The following RPS6KA5 variants were observed in gnomAD, a reference collection of about 807,000 sequenced individuals.
The protein encoded by RPS6KA5 is ribosomal protein S6 kinase A5, also known as ribosomal protein S6 kinase alpha-5.
Under a neutral mutation model 85.5 loss-of-function variants are expected in RPS6KA5, and 27 were observed. The observed-to-expected ratio is 0.32, with a 90% CI of 0.23 to 0.44. The LOEUF (loss-of-function observed/expected upper bound fraction) is 0.44, where lower values mean the gene tolerates loss of function less well. RPS6KA5 is among the 20% of genes least tolerant of loss of function. The pLI is 1.00. For synonymous variants in RPS6KA5, 334 were observed against 348.2 expected, an observed-to-expected ratio of 0.96 and a Z score of 0.46; for missense variants, 811 against 980.9, an observed-to-expected ratio of 0.83 and a Z score of 2.31.
chr14:91,057,203 T>G (rs1487276028), intron 1 of RPS6KA5, among the ~76,000 whole-genome samples: 1 of 152,056 alleles, frequency 6.6e-6, no homozygotes, highest in Non-Finnish European at 1.5e-5. Context: ...GGGCGGGACA[T>G]TTTCTTAGAC....
chr14:90,884,944 T>C (rs985317721), intron 14 of RPS6KA5, among the ~76,000 whole-genome samples: 1 of 152,132 alleles, frequency 6.6e-6, no homozygotes, highest in Non-Finnish European at 1.5e-5. Flanking sequence ...TTAACAGGTA[T>C]GTTTGTGGCT....
At chr14:91,043,513 G>A (rs931250840) in intron 1 of RPS6KA5, among the ~76,000 whole-genome samples, 1 of 152,086 alleles carries the variant, frequency 6.6e-6, no homozygotes, top group African/African-American at 2.4e-5. Flanking sequence ...TGAACAAGCC[G>A]GTGAGCACAC....
chr14:90,881,659 C>A (rs1054981028), intron 14 of RPS6KA5, among the ~76,000 whole-genome samples: 1 of 151,996 alleles, frequency 6.6e-6, no homozygotes, highest in Non-Finnish European at 1.5e-5. Context: ...CACCACCACG[C>A]CTGGATAACT....
chr14:91,005,832 A>G (rs1332620309), intron 1 of RPS6KA5, among the ~76,000 whole-genome samples: 1 of 152,178 alleles, frequency 6.6e-6, no homozygotes. Flanking sequence ...CATTTATTTC[A>G]CCCTACAGGT....
chr14:90,915,037 T>C (rs902699849), intron 7 of RPS6KA5, among the ~76,000 whole-genome samples: 2 of 152,084 alleles, frequency 1.3e-5, no homozygotes, highest in South Asian at 2.1e-4. Flanking sequence ...CTTTATAAAA[T>C]ATGCCAAGAA....
intron 2 of RPS6KA5, among the ~76,000 whole-genome samples, chr14:90,984,937 C>T (rs1389322704): frequency 6.6e-6 from 1 of 151,614 alleles, no homozygotes; most frequent in African/African-American, 2.4e-5. Context: ...CATAAGTAGC[C>T]TTTAATCTTT....
rs917192027 is a variant in RPS6KA5, at chr14:90,850,743, G to C, written c.*21331C>G. On this transcript the variant is annotated 3_prime_UTR_variant, in exon 17 of 17. Coordinates refer to ENST00000614987, the MANE Select transcript of RPS6KA5 (RefSeq NM_004755.4). Reference sequence around the variant, plus strand: ...GAAATTGCACTGGGTGAGCTCTAAGGCTCCTAAACTCTAAGATTCTCGTAT... The same window carrying C: ...GAAATTGCACTGGGTGAGCTCTAAGCCTCCTAAACTCTAAGATTCTCGTAT... 3 of 152,214 alleles carry C rather than the reference G, an allele frequency of 2.0e-5. No individual in the cohort carries two copies. The highest frequency in any genetic ancestry group is 4.4e-5 in the Non-Finnish European group (3 of 68,034). 9.4% of individuals were successfully genotyped at this position (152,214 alleles called of 1,614,324 possible).
At chr14:90,910,092 T>A (rs1595187897) in intron 7 of RPS6KA5, among the ~76,000 whole-genome samples, 2 of 151,104 alleles carry the variant, frequency 1.3e-5, no homozygotes, top group South Asian at 4.2e-4. Flanking sequence ...TTGCATTATT[T>A]AAAAAAAAAT....
rs1335670364 is a variant in RPS6KA5, at chr14:90,867,413, G to A, written c.*4661C>T. 1 of 151,964 alleles carries A rather than the reference G, an allele frequency of 6.6e-6. No individual in the cohort carries two copies. Among genetic ancestry groups the A allele is most frequent in the Admixed American group, 6.6e-5 (1 of 15,258 alleles). The allele number at this position is 151,964 out of a possible 1,614,324, so 9.4% of individuals were successfully genotyped here. ...GTGTTATGCAATGAGAAACAATAAT[G>A]GAAACAGCATAATACTACATACTAT... On this transcript the variant is annotated 3_prime_UTR_variant, in exon 17 of 17. Coordinates refer to ENST00000614987, the MANE Select transcript of RPS6KA5 (RefSeq NM_004755.4).
At chr14:90,895,935 T>C (rs767172017) in intron 12 of RPS6KA5, among the ~76,000 whole-genome samples, 1 of 152,100 alleles carries the variant, frequency 6.6e-6, no homozygotes, top group African/African-American at 2.4e-5. Context: ...TGAACACAAA[T>C]GGTTTAGAAA....
At chr14:90,872,474 G>T in intron 16 of RPS6KA5, 152 bp from the exon 17 acceptor site, 1 of 1,017,076 alleles carries the variant, frequency 9.8e-7, no homozygotes, top group Non-Finnish European at 1.4e-6. Context: ...TTATATCTAA[G>T]TCTATTGGCA....
At chr14:90,903,147 C>G (rs531192920) in intron 8 of RPS6KA5, among the ~76,000 whole-genome samples, 178 bp from the exon 9 acceptor site, 1 of 152,218 alleles carries the variant, frequency 6.6e-6, no homozygotes, top group Non-Finnish European at 1.5e-5. Context: ...CAGTTTATAG[C>G]TCCAACCAAT....
intron 15 of RPS6KA5, among the ~76,000 whole-genome samples, chr14:90,874,931 G>T (rs992220753): frequency 6.6e-6 from 1 of 152,124 alleles, no homozygotes; most frequent in African/African-American, 2.4e-5. Context: ...TGTTTGGGGG[G>T]AAGGACAGTC....
At chr14:90,917,815 C>A (rs944191114) in intron 7 of RPS6KA5, among the ~76,000 whole-genome samples, 7 of 152,124 alleles carry the variant, frequency 4.6e-5, no homozygotes, top group African/African-American at 1.7e-4. Flanking sequence ...CCCCACCTCA[C>A]CCTCCTCAGC....
chr14:90,980,226 G>A (rs1181985338), intron 2 of RPS6KA5, among the ~76,000 whole-genome samples: 1 of 152,156 alleles, frequency 6.6e-6, no homozygotes, highest in Middle Eastern at 3.2e-3. Flanking sequence ...TTCCAACAGG[G>A]AAAGCCACTA....
rs1243383030 is a variant in RPS6KA5 at position 90,871,959 on chromosome 14, G to C, written c.*115C>G. ...CAGGTTTTCCTGAAAAAAATCATTA[G>C]GAGGCAGATTCCAATGAGACCAACG... On this transcript the variant is annotated 3_prime_UTR_variant, in exon 17 of 17. Transcript: ENST00000614987. 7.4e-7 allele frequency: 1 copy of C among 1,356,680 alleles called. No individual in the cohort carries two copies. Among genetic ancestry groups the C allele is most frequent in the Non-Finnish European group, 1.0e-6 (1 of 994,378 alleles). The allele number at this position is 1,356,680 out of a possible 1,614,324, so 84.0% of individuals were successfully genotyped here.
intron 1 of RPS6KA5, among the ~76,000 whole-genome samples, chr14:91,046,343 T>G (rs1254513114): frequency 6.6e-6 from 1 of 152,202 alleles, no homozygotes. Flanking sequence ...AGTTATGAGT[T>G]TGATTTGCAT....
At chr14:91,021,167 A>G (rs1415096553) in intron 1 of RPS6KA5, among the ~76,000 whole-genome samples, 1 of 152,174 alleles carries the variant, frequency 6.6e-6, no homozygotes, top group Non-Finnish European at 1.5e-5. Context: ...TTCACTGACA[A>G]TTCTTGCCTG....
intron 1 of RPS6KA5, among the ~76,000 whole-genome samples, chr14:91,002,052 T>C (rs1387110080): frequency 6.6e-6 from 1 of 152,184 alleles, no homozygotes; most frequent in Non-Finnish European, 1.5e-5. Context: ...GTAGTATCTA[T>C]TAACATTATG....
Sources: gnomAD v4.1 joint callset for allele counts (sites outside exome capture counted in the v4.1 genomes callset) on GRCh38, gnomAD v4.1.1 for gene constraint, MANE v1.5 for transcripts, NCBI Gene and HGNC (gene_info 2026-07-23, HGNC 2026-07-21) for gene names.